Variants in CSMD3 observed in about 807,000 individuals in gnomAD.
CSMD3 encodes the protein CUB and Sushi multiple domains 3, also known as CUB and sushi domain-containing protein 3.
Under a neutral mutation model 435.2 loss-of-function variants are expected in CSMD3, and 177 were observed. The observed-to-expected ratio is 0.41, with a 90% CI of 0.36 to 0.46. The LOEUF (loss-of-function observed/expected upper bound fraction) is 0.46, where lower values mean the gene tolerates loss of function less well. Ranked by LOEUF, CSMD3 falls within the 20% of genes least tolerant of loss-of-function variation. The probability of loss-of-function intolerance (pLI) is 0.34; values close to 1 mark genes in which losing one functional copy is unlikely to be tolerated. For synonymous variants in CSMD3, 1,656 were observed against 1,520.5 expected, an observed-to-expected ratio of 1.09 and a Z score of -2.07; for missense variants, 4,265 against 4,504.6, an observed-to-expected ratio of 0.95 and a Z score of 1.52.
chr8:112,813,798 G>T (rs1174432407), intron 12 of CSMD3, among the ~76,000 whole-genome samples: 2 of 152,142 alleles, frequency 1.3e-5, no homozygotes, highest in Non-Finnish European at 2.9e-5. Flanking sequence ...AGGGTGAGTA[G>T]AGGAATTTAT....
chr8:112,330,840 T>C (rs559233999), intron 45 of CSMD3, among the ~76,000 whole-genome samples: 4 of 152,196 alleles, frequency 2.6e-5, no homozygotes, highest in Middle Eastern at 3.4e-3. Context: ...TAGAACATTG[T>C]CTGGCACTTA....
At chr8:112,892,218 A>G (rs1179392404) in intron 10 of CSMD3, among the ~76,000 whole-genome samples, 1 of 151,644 alleles carries the variant, frequency 6.6e-6, no homozygotes, top group East Asian at 2.0e-4. Flanking sequence ...TCACAGGCCA[A>G]GAATGTTTTC....
In CSMD3 at chr8:112,990,766, A is replaced by T. The variant is rs151182506; in HGVS notation, c.1031-14618T>A. ...AGAGCATATTATGAGAATATAGTAC[A>T]GCAGATTATGACACAAGCCATGAGA... On this transcript the variant is annotated intron_variant, in intron 6 of 70. Coordinates refer to ENST00000297405, the MANE Select transcript of CSMD3 (RefSeq NM_198123.2). 1.2e-4 allele frequency among the ~76,000 whole-genome samples: 18 copies of T among 151,962 alleles called. No individual in the cohort carries two copies. The East Asian group carries it at 3.3e-3, about 28-fold the overall frequency.
At chr8:112,461,932 G>C (rs1029578988) in intron 32 of CSMD3, among the ~76,000 whole-genome samples, 1 of 152,106 alleles carries the variant, frequency 6.6e-6, no homozygotes, top group African/African-American at 2.4e-5. Context: ...GCTTCCAGTA[G>C]CATACTCTTT....
At chr8:112,319,717 C>A (rs1420146895) in intron 46 of CSMD3, among the ~76,000 whole-genome samples, 184 bp downstream of exon 46, 1 of 152,094 alleles carries the variant, frequency 6.6e-6, no homozygotes, top group Admixed American at 6.6e-5. Flanking sequence ...ATTAATTTTT[C>A]TTCTCTAATA....
chr8:112,665,297 C>A (rs79198399), intron 17 of CSMD3, among the ~76,000 whole-genome samples: 2,071 of 152,192 alleles, frequency 0.014, 45 homozygotes, highest in African/African-American at 0.046. Flanking sequence ...ATGAATGGTT[C>A]TTTGCTCAAA....
chr8:113,124,603 G>T (rs2091075740), intron 4 of CSMD3, among the ~76,000 whole-genome samples: 1 of 151,800 alleles, frequency 6.6e-6, no homozygotes, highest in African/African-American at 2.4e-5. Flanking sequence ...TTGGTGATAT[G>T]TTGGATAAAT....
At chr8:112,650,486 G>C in intron 18 of CSMD3, 137 bp from the exon 19 acceptor site, 1 of 739,068 alleles carries the variant, frequency 1.4e-6, no homozygotes, top group Non-Finnish European at 2.3e-6. Context: ...TTTAAAATCA[G>C]CAATTTATTT....
intron 10 of CSMD3, among the ~76,000 whole-genome samples, chr8:112,892,261 A>C (rs1416818994): frequency 6.6e-6 from 1 of 151,544 alleles, no homozygotes; most frequent in African/African-American, 2.4e-5. Context: ...CACAATTAAC[A>C]CATATAAAAA....
intron 35 of CSMD3, among the ~76,000 whole-genome samples, chr8:112,395,702 T>C (rs1280755321): frequency 6.6e-6 from 1 of 152,134 alleles, no homozygotes; most frequent in Non-Finnish European, 1.5e-5. Context: ...AGGTCATATA[T>C]TGTCAAAGCT....
intron 22 of CSMD3, among the ~76,000 whole-genome samples, chr8:112,617,092 G>T (rs1300058688): frequency 1.3e-5 from 2 of 152,116 alleles, no homozygotes; most frequent in Admixed American, 1.3e-4. Flanking sequence ...AATGTTCAAG[G>T]TCATCAGGAC....
intron 68 of CSMD3, among the ~76,000 whole-genome samples, chr8:112,232,406 G>A (rs1460846568): frequency 7.2e-5 from 11 of 152,202 alleles, no homozygotes; most frequent in African/African-American, 2.4e-5. Context: ...TCAGGAATAT[G>A]AGACCAGCCT....
intron 7 of CSMD3, among the ~76,000 whole-genome samples, chr8:112,969,934 A>G (rs2084580713): frequency 1.3e-5 from 2 of 152,068 alleles, no homozygotes; most frequent in African/African-American, 4.8e-5. Flanking sequence ...TGTGCTTATA[A>G]TCTGTTATTT....
chr8:112,988,788 A>T (rs961817746), intron 6 of CSMD3, among the ~76,000 whole-genome samples: 1 of 152,050 alleles, frequency 6.6e-6, no homozygotes, highest in African/African-American at 2.4e-5. Context: ...GGCATCCATT[A>T]GTACTCAGCC....
In CSMD3 at chr8:113,273,612, G is replaced by T. The variant is rs537705992; in HGVS notation, c.514+4980C>A. On this transcript the variant is annotated intron_variant, in intron 3 of 70. Coordinates refer to ENST00000297405, the MANE Select transcript of CSMD3 (RefSeq NM_198123.2). ...AAACATACTACTGTATATATGGTTT[G>T]GTACTATCCACAATTTCAGGCATCC... Among the ~76,000 whole-genome samples the T allele has an allele frequency of 2.6e-5, 4 of 152,120 alleles. No individual in the cohort carries two copies. The South Asian group carries it at 8.3e-4, about 32-fold the overall frequency.
intron 27 of CSMD3, among the ~76,000 whole-genome samples, chr8:112,542,260 T>G (rs1329219965): frequency 1.3e-5 from 2 of 148,438 alleles, no homozygotes; most frequent in Non-Finnish European, 3.0e-5. Context: ...AAGCCAAGGA[T>G]GTTCACTTCC....
At chr8:112,610,594 T>C (rs956424957) in intron 22 of CSMD3, among the ~76,000 whole-genome samples, 2 of 152,180 alleles carry the variant, frequency 1.3e-5, no homozygotes, top group African/African-American at 4.8e-5. Context: ...TATTAACCAA[T>C]AAATAAATGT....
chr8:112,291,615 T>C lies in CSMD3; in HGVS notation c.8869A>G (p.Thr2957Ala). ...GGATTGCAGTCATAGAATACCACAGTGCCGTAAGTAAAATTTCCATGTTCT... is the reference window on the plus strand; with the variant it reads ...GGATTGCAGTCATAGAATACCACAGCGCCGTAAGTAAAATTTCCATGTTCT... ...KIEHGNFTYGTVVFYDCNPGY... is the reference protein window; with the variant it reads ...KIEHGNFTYGAVVFYDCNPGY... Residue 2957 changes from threonine to alanine, a missense_variant, in exon 56 of 71, where the codon ACT becomes GCT. By Grantham distance (58) the Thr-to-Ala change is moderately conservative. This residue lies in a region of CSMD3 where 3,255 missense variants were observed against 3,380.2 expected (regional missense o/e 0.96). Transcript: ENST00000297405. The C allele has an allele frequency of 1.2e-6, 2 of 1,610,766 alleles. No individual in the cohort carries two copies. Among genetic ancestry groups the C allele is most frequent in the Non-Finnish European group, 1.7e-6 (2 of 1,177,312 alleles).
chr8:113,254,752 AAT>A (rs199893213), intron 3 of CSMD3, among the ~76,000 whole-genome samples: 154 of 148,502 alleles, frequency 1.0e-3, no homozygotes, highest in African/African-American at 2.1e-3. Context: ...AGTATATAAA[AAT>A]AAAAATTGTT....
Sources: gnomAD v4.1 joint callset for allele counts (sites outside exome capture counted in the v4.1 genomes callset) on GRCh38, gnomAD v4.1.1 for gene constraint, gnomAD v4.1.1 regional missense constraint, MANE v1.5 for transcripts, NCBI Gene and HGNC (gene_info 2026-07-23, HGNC 2026-07-21) for gene names.